The following STAT5B variants were observed in gnomAD, a reference collection of about 807,000 sequenced individuals.
The protein encoded by STAT5B is transcription factor STAT5B.
In STAT5B, 21 loss-of-function variants were observed where a neutral mutation model predicts 107.8. The observed-to-expected ratio is 0.19, with a 90% CI of 0.14 to 0.28. The LOEUF is 0.28. Among genes scored for constraint, STAT5B ranks in the 10% least tolerant of loss-of-function variants. The pLI is 1.00. For synonymous variants in STAT5B, 325 were observed against 401.7 expected (o/e 0.81, Z 2.28); for missense variants, 565 against 1,008.2 (o/e 0.56, Z 5.95).
chr17:42,242,151 G>C (rs2080409137), intron 1 of STAT5B, among the ~76,000 whole-genome samples: 1 of 152,102 alleles, frequency 6.6e-6, no homozygotes, highest in South Asian at 2.1e-4. Context: ...AAAAGGGTAA[G>C]GGAGGGAATA....
chr17:42,219,243 G>C, intron 7 of STAT5B, 69 bp downstream of exon 7: 2 of 1,561,378 alleles, frequency 1.3e-6, no homozygotes, highest in Non-Finnish European at 1.7e-6. Context: ...AGCCAGCACA[G>C]GACGCAGAAG....
chr17:42,210,584 GA>G, intron 13 of STAT5B, 87 bp from the exon 14 acceptor site: 1 of 1,223,434 alleles, frequency 8.2e-7, no homozygotes, highest in Non-Finnish European at 1.2e-6. Flanking sequence ...AATTAAATGG[GA>G]AACAAACATC....
chr17:42,205,847 T>G (rs1219255491), intron 16 of STAT5B, among the ~76,000 whole-genome samples: 1 of 152,074 alleles, frequency 6.6e-6, no homozygotes, highest in Non-Finnish European at 1.5e-5. Context: ...AGTTTGAGAC[T>G]GCAGTGAGCA....
chr17:42,278,441 C>T (rs1019954972), upstream of STAT5B, among the ~76,000 whole-genome samples: 5 of 152,210 alleles, frequency 3.3e-5, no homozygotes, highest in African/African-American at 1.2e-4. Context: ...TGTGGCGACA[C>T]ACACCTGTGG....
At chr17:42,206,998 T>A (rs1051118242) in intron 16 of STAT5B, among the ~76,000 whole-genome samples, 1 of 151,200 alleles carries the variant, frequency 6.6e-6, no homozygotes, top group African/African-American at 2.4e-5. Context: ...TGCCTCAGCC[T>A]CCCGAGTACC....
intron 1 of STAT5B, among the ~76,000 whole-genome samples, chr17:42,263,866 A>AGC (rs200810500): frequency 0.029 from 2,698 of 93,222 alleles, 39 homozygotes; most frequent in African/African-American, 0.049. Flanking sequence ...GATACTAGAA[A>AGC]GCGCGCACAC....
intron 1 of STAT5B, among the ~76,000 whole-genome samples, chr17:42,259,742 A>G (rs1302819877): frequency 2.0e-5 from 3 of 152,040 alleles, no homozygotes. Flanking sequence ...AGCCAAGATC[A>G]TGCCACTTCA....
intron 2 of STAT5B, among the ~76,000 whole-genome samples, chr17:42,231,699 A>G (rs2080318884): frequency 6.6e-6 from 1 of 152,168 alleles, no homozygotes; most frequent in South Asian, 2.1e-4. Flanking sequence ...CACTCGAAAC[A>G]TATTTGTTGG....
chr17:42,245,684 G>A (rs1049231440), intron 1 of STAT5B, among the ~76,000 whole-genome samples: 2 of 151,882 alleles, frequency 1.3e-5, no homozygotes, highest in Non-Finnish European at 2.9e-5. Flanking sequence ...CACCATGCCC[G>A]GCTAATTTTT....
At chr17:42,256,162 T>C (rs980791613) in intron 1 of STAT5B, among the ~76,000 whole-genome samples, 16 of 152,180 alleles carry the variant, frequency 1.1e-4, no homozygotes, top group African/African-American at 3.1e-4. Flanking sequence ...AGTTTTTGCC[T>C]AATAAACTCA....
chr17:42,213,979 T>C (rs2080150923), intron 12 of STAT5B, among the ~76,000 whole-genome samples: 1 of 151,216 alleles, frequency 6.6e-6, no homozygotes, highest in Admixed American at 6.6e-5. Flanking sequence ...TGGTCTCTAC[T>C]AAAAATATAA....
chr17:42,272,459 T>C (rs770685167), intron 1 of STAT5B: 1 of 152,218 alleles, frequency 6.6e-6, no homozygotes, highest in Non-Finnish European at 1.5e-5. Context: ...AGGAAACAGA[T>C]AGCAGCACCT....
intron 12 of STAT5B, among the ~76,000 whole-genome samples, chr17:42,213,773 C>A (rs998238578): frequency 2.0e-5 from 3 of 149,490 alleles, no homozygotes; most frequent in Admixed American, 6.7e-5. Context: ...AAATGATCCA[C>A]CCACCTCGGC....
At chr17:42,287,184 G>A in the STAT5B span, among the ~76,000 whole-genome samples, 1 of 151,644 alleles carries the variant, frequency 6.6e-6, no homozygotes, top group Non-Finnish European at 1.5e-5. Flanking sequence ...TTTGGCTTCT[G>A]CAGCTTTGAA....
chr17:42,254,799 G>GA (rs1296968723), intron 1 of STAT5B, among the ~76,000 whole-genome samples: 6 of 150,968 alleles, frequency 4.0e-5, no homozygotes, highest in African/African-American at 1.2e-4. Context: ...TTTAAAAATG[G>GA]AAAAAAAAAG....
intron 1 of STAT5B, among the ~76,000 whole-genome samples, chr17:42,254,636 C>A (rs1197105896): frequency 1.3e-5 from 2 of 151,790 alleles, no homozygotes; most frequent in Non-Finnish European, 2.9e-5. Flanking sequence ...TATATTTGGA[C>A]CCCTAGGGTC....
At chr17:42,286,621 GCAGGCACCCCCACCCCAT>G in the STAT5B span, among the ~76,000 whole-genome samples, 2 of 152,204 alleles carry the variant, frequency 1.3e-5, no homozygotes, top group South Asian at 4.1e-4. Context: ...CCTCTCTTAA[GCAGGCACCCCCACCCCAT>G]CAGGTGCCCA....
At chr17:42,279,514 G>A (rs1369756263), upstream of STAT5B, among the ~76,000 whole-genome samples, 2 of 152,034 alleles carry the variant, frequency 1.3e-5, no homozygotes, top group Non-Finnish European at 2.9e-5. Flanking sequence ...GGGGCCGGGC[G>A]CAGTGGCTCA....
intron 1 of STAT5B, among the ~76,000 whole-genome samples, chr17:42,263,099 C>T (rs1487200246): frequency 1.3e-4 from 18 of 142,472 alleles, no homozygotes; most frequent in African/African-American, 4.4e-4. Context: ...GCAATGGCAC[C>T]ATTATAGCTC....
Sources: allele counts gnomAD v4.1 joint callset (sites outside exome capture counted in the v4.1 genomes callset), GRCh38; gene constraint gnomAD v4.1.1; transcripts MANE v1.5; gene names NCBI Gene and HGNC (gene_info 2026-07-23, HGNC 2026-07-21).